Variants in ST6GALNAC3 observed in about 807,000 individuals in gnomAD.
ST6GALNAC3 encodes the protein alpha-N-acetylgalactosaminide alpha-2,6-sialyltransferase 3.
A neutral mutation model predicts 32.7 loss-of-function variants in ST6GALNAC3; 25 were observed. The observed-to-expected ratio is 0.76, with a 90% CI of 0.56 to 1.07. The LOEUF (loss-of-function observed/expected upper bound fraction) is 1.07. Among genes scored for constraint, ST6GALNAC3 ranks in the 50% least tolerant of loss-of-function variants. The pLI, the probability that ST6GALNAC3 is intolerant of heterozygous loss-of-function variation, is 0.00. For synonymous variants in ST6GALNAC3, 129 were observed against 133.1 expected (o/e 0.97, Z 0.21); for missense variants, 355 against 382.4 (o/e 0.93, Z 0.60).
rs1293399219 is a variant in ST6GALNAC3, at chr1:76,134,381, C to T, written c.18+59497C>T. Among the ~76,000 whole-genome samples, 8 of 152,202 alleles carry T rather than the reference C, an allele frequency of 5.3e-5. No homozygotes were observed. The East Asian group carries it at 1.2e-3, about 22-fold the overall frequency. The stretch of plus-strand genomic sequence containing the variant: ...GAATTGAGAATGAGTAAATGCCCTT[C>T]ACCTTTTCCAGGCCTGAAGCTCCTA... On this transcript the variant is annotated intron_variant, in intron 1 of 4. Coordinates refer to ENST00000328299, the MANE Select transcript of ST6GALNAC3 (RefSeq NM_152996.4).
chr1:76,376,940 T>C (rs865816565), intron 2 of ST6GALNAC3, among the ~76,000 whole-genome samples: 42 of 152,306 alleles, frequency 2.8e-4, no homozygotes, highest in Middle Eastern at 3.4e-3. Context: ...GGTATTATAA[T>C]ATACATATAT....
At chr1:76,171,088 G>GGTGTGTGTGTGTGT (rs71071988) in intron 1 of ST6GALNAC3, among the ~76,000 whole-genome samples, 33 of 149,588 alleles carry the variant, frequency 2.2e-4, no homozygotes, top group African/African-American at 2.7e-4. Flanking sequence ...CATTGAGAGG[G>GGTGTGTGTGTGTGT]GTGTGTGTGT....
At chr1:76,601,168 A>C (rs1647221718) in intron 3 of ST6GALNAC3, among the ~76,000 whole-genome samples, 6 of 152,194 alleles carry the variant, frequency 3.9e-5, no homozygotes, top group Admixed American at 3.9e-4. Flanking sequence ...ACTGCACTCC[A>C]GTCAGGGCTA....
In ST6GALNAC3 at chr1:76,074,786, A is replaced by ACCAGCCT. The variant is rs1646788494; in HGVS notation, c.-73_-67dup. The ACCAGCCT allele has an allele frequency of 4.7e-6, 7 of 1,496,668 alleles. No individual in the cohort carries two copies. The highest frequency in any genetic ancestry group is 5.4e-6 in the Non-Finnish European group (6 of 1,104,300). The allele number at this position is 1,496,668 out of a possible 1,614,324, so 92.7% of individuals were successfully genotyped here. On this transcript the variant is annotated 5_prime_UTR_variant, in exon 1 of 5. The change abolishes the stop of an existing upstream ORF in the 5' untranslated region. Coordinates refer to ENST00000328299, the MANE Select transcript of ST6GALNAC3 (RefSeq NM_152996.4). ...TGGGCTGGAGAGGTCCTGCCGTGGT[A>ACCAGCCT]CCAGCCTCCAGCCTGCCCCCAGGAC...
At chr1:76,433,232 C>T (rs549676415) in intron 3 of ST6GALNAC3, among the ~76,000 whole-genome samples, 1 of 152,144 alleles carries the variant, frequency 6.6e-6, no homozygotes, top group South Asian at 2.1e-4. Flanking sequence ...ACTTGTCATT[C>T]TGGTTAGATT....
At chr1:76,599,183 TTTTC>T (rs1432826072) in intron 3 of ST6GALNAC3, among the ~76,000 whole-genome samples, 1 of 151,988 alleles carries the variant, frequency 6.6e-6, no homozygotes, top group African/African-American at 2.4e-5. Flanking sequence ...TCTCTTGTAA[TTTTC>T]TTATGTATAC....
chr1:76,524,611 C>G (rs186644928), intron 3 of ST6GALNAC3, among the ~76,000 whole-genome samples: 32 of 151,984 alleles, frequency 2.1e-4, no homozygotes, highest in African/African-American at 7.0e-4. Flanking sequence ...GCATGAAGTT[C>G]AGAGTCAGTG....
At chr1:76,457,271 A>G (rs1657890925) in intron 3 of ST6GALNAC3, among the ~76,000 whole-genome samples, 1 of 152,150 alleles carries the variant, frequency 6.6e-6, no homozygotes, top group African/African-American at 2.4e-5. Flanking sequence ...GAAAATGGCC[A>G]TACTGCCCAA....
intron 2 of ST6GALNAC3, among the ~76,000 whole-genome samples, chr1:76,378,024 C>G (rs115095243): frequency 0.013 from 1,929 of 152,202 alleles, 42 homozygotes; most frequent in African/African-American, 0.045. Flanking sequence ...TTTCTTTCCA[C>G]TAAGGATAGA....
chr1:76,485,483 C>T (rs1437132594), intron 3 of ST6GALNAC3, among the ~76,000 whole-genome samples: 2 of 152,196 alleles, frequency 1.3e-5, no homozygotes, highest in African/African-American at 4.8e-5. Flanking sequence ...TTATCCATTT[C>T]TTCTAGATTT....
intron 2 of ST6GALNAC3, among the ~76,000 whole-genome samples, chr1:76,385,842 A>G (rs1018469260): frequency 6.6e-6 from 1 of 152,106 alleles, no homozygotes. Context: ...TGCATAAATT[A>G]GTGTAAGTGT....
intron 1 of ST6GALNAC3, among the ~76,000 whole-genome samples, chr1:76,126,423 CT>C (rs111888612): frequency 8.6e-6 from 1 of 116,518 alleles, no homozygotes; most frequent in African/African-American, 3.6e-5. Context: ...TCCCTCCTGC[CT>C]TTCCTTCCTT....
intron 1 of ST6GALNAC3, among the ~76,000 whole-genome samples, chr1:76,156,391 A>G (rs1486130170): frequency 1.3e-5 from 2 of 152,160 alleles, no homozygotes; most frequent in Admixed American, 6.5e-5. Context: ...CACAGTACCT[A>G]TAAACATTTT....
At chr1:76,339,630 T>G (rs1417430245) in intron 2 of ST6GALNAC3, among the ~76,000 whole-genome samples, 1 of 152,126 alleles carries the variant, frequency 6.6e-6, no homozygotes, top group African/African-American at 2.4e-5. Context: ...CACTATAAAA[T>G]AGGTGTTGCT....
At chr1:76,154,145 G>A (rs1231819357) in intron 1 of ST6GALNAC3, among the ~76,000 whole-genome samples, 1 of 152,136 alleles carries the variant, frequency 6.6e-6, no homozygotes, top group Non-Finnish European at 1.5e-5. Context: ...TCTTGCTTAT[G>A]TGGGTGGACA....
intron 1 of ST6GALNAC3, among the ~76,000 whole-genome samples, chr1:76,242,609 C>G (rs1657032862): frequency 6.6e-6 from 1 of 152,110 alleles, no homozygotes; most frequent in Non-Finnish European, 1.5e-5. Flanking sequence ...TCCCCTTTCC[C>G]CTCACCCTGC....
At chr1:76,300,624 A>G (rs1660673076) in intron 1 of ST6GALNAC3, among the ~76,000 whole-genome samples, 1 of 152,024 alleles carries the variant, frequency 6.6e-6, no homozygotes, top group Non-Finnish European at 1.5e-5. Context: ...GATTAGTATC[A>G]CAACCACCTG....
At chr1:76,533,432 G>C (rs1663389611) in intron 3 of ST6GALNAC3, among the ~76,000 whole-genome samples, 1 of 152,074 alleles carries the variant, frequency 6.6e-6, no homozygotes, top group Non-Finnish European at 1.5e-5. Flanking sequence ...CCTTCTTTCT[G>C]AGGTTGCTGC....
chr1:76,337,280 C>T (rs574999108), intron 2 of ST6GALNAC3, among the ~76,000 whole-genome samples: 1 of 152,336 alleles, frequency 6.6e-6, no homozygotes, highest in East Asian at 1.9e-4. Flanking sequence ...CCAGGCTCTG[C>T]AGGACTCTAG....
Sources: gnomAD v4.1 joint callset for allele counts (sites outside exome capture counted in the v4.1 genomes callset) on GRCh38, gnomAD v4.1.1 for gene constraint, MANE v1.5 for transcripts, NCBI Gene and HGNC (gene_info 2026-07-23, HGNC 2026-07-21) for gene names.